The following RBFOX1 variants were observed in gnomAD, a reference collection of about 807,000 sequenced individuals.
The protein encoded by RBFOX1 is RNA binding protein fox-1 homolog 1.
A neutral mutation model predicts 57.7 loss-of-function variants in RBFOX1; 8 were observed. That is an observed-to-expected ratio of 0.14 (90% CI 0.08 to 0.25). RBFOX1 has a LOEUF of 0.25. RBFOX1 is among the 10% of genes least tolerant of loss of function. The pLI is 1.00. For missense variants in RBFOX1, 611 were observed against 548.5 expected (o/e 1.11, Z -1.14); for synonymous variants, 326 against 222.4 (o/e 1.47, Z -4.15).
At chr16:6,474,183 G>A (rs2095236665) in intron 2 of RBFOX1, among the ~76,000 whole-genome samples, 1 of 152,136 alleles carries the variant, frequency 6.6e-6, no homozygotes, top group Non-Finnish European at 1.5e-5. Flanking sequence ...GAGGGAAAAG[G>A]ATGGGGACAT....
At chr16:5,592,873 C>T (rs147721398) in intron 2 of RBFOX1, among the ~76,000 whole-genome samples, 2,558 of 152,166 alleles carry the variant, frequency 0.017, 72 homozygotes, top group African/African-American at 0.056. Context: ...GTTCCGTGGG[C>T]CCTGGCAGCC....
chr16:6,424,867 C>G (rs566587909), intron 2 of RBFOX1, among the ~76,000 whole-genome samples: 4 of 152,150 alleles, frequency 2.6e-5, no homozygotes, highest in East Asian at 1.9e-4. Flanking sequence ...TGGAAACAAA[C>G]AAGTTATACA....
At chr16:7,622,949 A>C (rs781014384) in intron 10 of RBFOX1, among the ~76,000 whole-genome samples, 1 of 152,194 alleles carries the variant, frequency 6.6e-6, no homozygotes, top group Non-Finnish European at 1.5e-5. Context: ...TGCGTTCAAA[A>C]ATGCATGACT....
intron 4 of RBFOX1, among the ~76,000 whole-genome samples, chr16:7,054,759 A>G (rs1175559811): frequency 1.3e-5 from 2 of 152,190 alleles, no homozygotes; most frequent in African/African-American, 2.4e-5. Flanking sequence ...GTCAAAATGC[A>G]TTTCCAGATT....
intron 1 of RBFOX1, among the ~76,000 whole-genome samples, chr16:5,247,934 A>G (rs2062343700): frequency 6.6e-6 from 1 of 152,158 alleles, no homozygotes; most frequent in African/African-American, 2.4e-5. Context: ...CAGGATTTTG[A>G]GTGGGGTTTC....
At chr16:6,706,767 C>T (rs13332823) in intron 3 of RBFOX1, among the ~76,000 whole-genome samples, 21,420 of 148,816 alleles carry the variant, frequency 0.14, 2,901 homozygotes, top group African/African-American at 0.36. Context: ...ACAAGACATA[C>T]GGCCAGAGCT....
chr16:6,563,687 A>G (rs1009623081), intron 2 of RBFOX1, among the ~76,000 whole-genome samples: 1 of 152,118 alleles, frequency 6.6e-6, no homozygotes, highest in African/African-American at 2.4e-5. Context: ...CTACAAAAAT[A>G]CAAAAAAAGT....
At chr16:7,383,712 C>T (rs73550736) in intron 4 of RBFOX1, among the ~76,000 whole-genome samples, 6,120 of 152,126 alleles carry the variant, frequency 0.04, 444 homozygotes, top group African/African-American at 0.14. Context: ...TATTAAACGC[C>T]TATTCAAAGG....
intron 1 of RBFOX1, among the ~76,000 whole-genome samples, chr16:5,253,880 A>T (rs1353807004): frequency 6.6e-6 from 1 of 152,158 alleles, no homozygotes; most frequent in Non-Finnish European, 1.5e-5. Flanking sequence ...TCATGGTCTC[A>T]TCTGACAGTG....
At chr16:7,025,525 G>T (rs1597344029) in intron 3 of RBFOX1, among the ~76,000 whole-genome samples, 1 of 152,128 alleles carries the variant, frequency 6.6e-6, no homozygotes, top group Non-Finnish European at 1.5e-5. Flanking sequence ...GAGTTGCTCT[G>T]GTTCAAACAC....
At chr16:7,235,283 C>G (rs2093711696) in intron 4 of RBFOX1, among the ~76,000 whole-genome samples, 1 of 152,158 alleles carries the variant, frequency 6.6e-6, no homozygotes, top group Admixed American at 6.5e-5. Context: ...AAGAAAGCCA[C>G]TTGTTCATTA....
chr16:6,094,717 A>T (rs1299358632), intron 1 of RBFOX1, among the ~76,000 whole-genome samples: 1 of 152,206 alleles, frequency 6.6e-6, no homozygotes, highest in East Asian at 1.9e-4. Context: ...GCACATTGGA[A>T]ATAATGACAG....
chr16:7,529,278 G>C (rs116632261), intron 5 of RBFOX1, among the ~76,000 whole-genome samples: 10 of 152,092 alleles, frequency 6.6e-5, no homozygotes, highest in African/African-American at 1.7e-4. Context: ...ACAACAACAA[G>C]AAGAAAAAGA....
At chr16:6,688,634 A>G (rs1404664702) in intron 3 of RBFOX1, among the ~76,000 whole-genome samples, 2 of 152,094 alleles carry the variant, frequency 1.3e-5, no homozygotes, top group African/African-American at 2.4e-5. Flanking sequence ...GCAGATTGGT[A>G]TTCTTTATTT....
intron 10 of RBFOX1, among the ~76,000 whole-genome samples, chr16:7,620,258 A>G (rs945454206): frequency 6.6e-6 from 1 of 152,226 alleles, no homozygotes; most frequent in African/African-American, 2.4e-5. Flanking sequence ...CCTCACAGCA[A>G]TATTCGATCA....
chr16:5,316,316 G>A (rs2064236775), intron 1 of RBFOX1, among the ~76,000 whole-genome samples: 1 of 152,170 alleles, frequency 6.6e-6, no homozygotes, highest in African/African-American at 2.4e-5. Context: ...GTGTGGCATT[G>A]CACCTTCTAT....
At chr16:7,030,832 C>G (rs1164034128) in intron 3 of RBFOX1, among the ~76,000 whole-genome samples, 1 of 152,188 alleles carries the variant, frequency 6.6e-6, no homozygotes, top group Non-Finnish European at 1.5e-5. Flanking sequence ...TCATCCGTGT[C>G]TGACTCTAAA....
At position 5,939,765 on chromosome 16, in the gene RBFOX1, C is replaced by G. The variant is rs1307079330; in HGVS notation, c.351+72430C>G. On this transcript the variant is annotated intron_variant, in intron 4 of 19. Transcript: ENST00000641259. Reference sequence around the variant, plus strand: ...AAACCACCATACCAGCTGATAGAGCCTCACATAGATAATTGAAATGTTTAA... The same window carrying G: ...AAACCACCATACCAGCTGATAGAGCGTCACATAGATAATTGAAATGTTTAA... 2.6e-5 allele frequency among the ~76,000 whole-genome samples: 4 copies of G among 152,136 alleles called. No individual in the cohort carries two copies. In the East Asian group the frequency reaches 5.8e-4, roughly 22 times the overall value.
intron 4 of RBFOX1, among the ~76,000 whole-genome samples, chr16:7,376,769 T>G (rs982457084): frequency 6.6e-6 from 1 of 152,190 alleles, no homozygotes; most frequent in African/African-American, 2.4e-5. Flanking sequence ...AAAACGTCAG[T>G]GCAGAAACTG....
Sources: gnomAD v4.1 joint callset for allele counts (sites outside exome capture counted in the v4.1 genomes callset) on GRCh38, gnomAD v4.1.1 for gene constraint, MANE v1.5 for transcripts, NCBI Gene and HGNC (gene_info 2026-07-23, HGNC 2026-07-21) for gene names.